UNC13C: variants seen among roughly 807,000 people sequenced by gnomAD.
UNC13C encodes unc-13 homolog C.
A neutral mutation model predicts 245.4 loss-of-function variants in UNC13C; 174 were observed. The observed-to-expected ratio is 0.71, with a 90% confidence interval of 0.63 to 0.80. The LOEUF (loss-of-function observed/expected upper bound fraction) is 0.80. UNC13C is among the 30% of genes least tolerant of loss of function. The probability of loss-of-function intolerance (pLI) is 0.00; values close to 1 mark genes in which losing one functional copy is unlikely to be tolerated. For missense variants in UNC13C, 2,829 were observed against 2,602.9 expected (o/e 1.09, Z -1.89); for synonymous variants, 992 against 895.1 (o/e 1.11, Z -1.93).
chr15:54,436,967 G>A (rs964701780), intron 19 of UNC13C, among the ~76,000 whole-genome samples: 2 of 151,858 alleles, frequency 1.3e-5, no homozygotes, highest in African/African-American at 4.8e-5. Flanking sequence ...TATTTAAGCT[G>A]CTGGTTTTCA....
At chr15:54,593,877 T>C (rs1486457589) in intron 30 of UNC13C, among the ~76,000 whole-genome samples, 4 of 152,064 alleles carry the variant, frequency 2.6e-5, no homozygotes, top group Non-Finnish European at 5.9e-5. Flanking sequence ...GTGAACTAGG[T>C]GATTTTGGGG....
At chr15:54,140,274 A>T (rs1199120808) in intron 2 of UNC13C, among the ~76,000 whole-genome samples, 1 of 152,220 alleles carries the variant, frequency 6.6e-6, no homozygotes, top group Non-Finnish European at 1.5e-5. Context: ...AAATGAAATA[A>T]TATTTTCCAT....
rs1460891017 is a variant in UNC13C at position 54,012,771 on chromosome 15, A to ATGCC, written c.-128_-125dup. The ATGCC allele has an allele frequency of 1.4e-6, 1 of 698,964 alleles. No individual in the cohort carries two copies. Among genetic ancestry groups the ATGCC allele is most frequent in the Non-Finnish European group, 2.4e-6 (1 of 413,852 alleles). 43.3% of individuals were successfully genotyped at this position (698,964 alleles called of 1,614,324 possible). On this transcript the variant is annotated 5_prime_UTR_variant, in exon 2 of 33. The change abolishes the stop of an existing upstream ORF in the 5' untranslated region. Transcript: ENST00000260323. ...AGGACAGCGACAATGTGGCAGAGCC[A>ATGCC]TGCCTGCCCTTCCTGCTCTTTCCAG...
chr15:54,631,055 C>G (rs1264419252), downstream of UNC13C: 1 of 152,002 alleles, frequency 6.6e-6, no homozygotes, highest in Non-Finnish European at 1.5e-5. Flanking sequence ...TATTTTAAAA[C>G]ATAGTTTGGC....
chr15:54,335,485 C>T (rs2038549867), intron 16 of UNC13C, among the ~76,000 whole-genome samples: 1 of 152,020 alleles, frequency 6.6e-6, no homozygotes, highest in Non-Finnish European at 1.5e-5. Context: ...AGTCATATAA[C>T]CACCAGAGCA....
chr15:54,525,354 A>G (rs80018296), intron 24 of UNC13C, among the ~76,000 whole-genome samples, 195 bp from the exon 25 acceptor site: 6,579 of 151,744 alleles, frequency 0.043, 514 homozygotes, highest in African/African-American at 0.15. Context: ...TTTTTTGTAT[A>G]TGAGAACCCC....
At chr15:54,590,214 A>G (rs1420225839) in intron 30 of UNC13C, among the ~76,000 whole-genome samples, 4 of 152,208 alleles carry the variant, frequency 2.6e-5, no homozygotes, top group African/African-American at 9.6e-5. Context: ...GTTTAAAATC[A>G]GGAAGTGGGA....
At chr15:54,565,615 G>A (rs1284145051) in intron 29 of UNC13C, among the ~76,000 whole-genome samples, 2 of 151,992 alleles carry the variant, frequency 1.3e-5, no homozygotes, top group Non-Finnish European at 2.9e-5. Context: ...TGTTACTACT[G>A]TCTCAAAGGA....
At chr15:54,515,696 A>G (rs1478554786) in intron 24 of UNC13C, among the ~76,000 whole-genome samples, 2 of 152,198 alleles carry the variant, frequency 1.3e-5, no homozygotes, top group Non-Finnish European at 2.9e-5. Flanking sequence ...ATAGTTATCC[A>G]TAAGCCCACT....
chr15:54,176,301 A>G (rs1228071593), intron 4 of UNC13C, among the ~76,000 whole-genome samples: 1 of 152,148 alleles, frequency 6.6e-6, no homozygotes, highest in Non-Finnish European at 1.5e-5. Flanking sequence ...AGTGGCTTCT[A>G]GAAGATAGGA....
the UNC13C span, among the ~76,000 whole-genome samples, chr15:53,893,382 G>C: frequency 1.3e-5 from 2 of 152,192 alleles, no homozygotes; most frequent in East Asian, 1.9e-4. Context: ...CTTGAATGCT[G>C]TGCTGGGAGG....
intron 10 of UNC13C, among the ~76,000 whole-genome samples, chr15:54,271,839 A>G (rs74013592): frequency 0.025 from 3,840 of 152,316 alleles, 159 homozygotes; most frequent in African/African-American, 0.088. Flanking sequence ...TGGGAATGGT[A>G]GTTAAGTATT....
chr15:54,507,224 A>G (rs1894514018), intron 23 of UNC13C, 30 bp downstream of exon 23: 2 of 1,429,068 alleles, frequency 1.4e-6, no homozygotes, highest in African/African-American at 2.8e-5. Context: ...ACTTTCAAGT[A>G]TCTCTCAGTT....
chr15:54,165,430 T>C (rs1309995391), intron 4 of UNC13C, among the ~76,000 whole-genome samples: 1 of 152,134 alleles, frequency 6.6e-6, no homozygotes, highest in East Asian at 1.9e-4. Flanking sequence ...ATTAAGTGGT[T>C]CCCATTGCTG....
intron 2 of UNC13C, among the ~76,000 whole-genome samples, chr15:54,036,168 C>T (rs992894799): frequency 5.9e-5 from 9 of 152,092 alleles, no homozygotes; most frequent in Admixed American, 2.0e-4. Context: ...AGAAATTAAC[C>T]GCAAGTTGTT....
rs566950284 is a variant in UNC13C, at chr15:54,060,731, G to A, written c.2983+44845G>A. Among the ~76,000 whole-genome samples, 204 of 151,534 alleles carry A rather than the reference G, an allele frequency of 1.3e-3. 1 individual carries two copies. The highest frequency in any genetic ancestry group is 3.4e-3 in the Middle Eastern group (1 of 292). On this transcript the variant is annotated intron_variant, in intron 2 of 32. Transcript: ENST00000260323. ...TTGGAACCAACCCAAATGTCCAACA[G>A]TGATAGACTGGATTAAGAAAATGTG...
chr15:54,149,062 C>T (rs1394147698), intron 4 of UNC13C, among the ~76,000 whole-genome samples: 1 of 152,114 alleles, frequency 6.6e-6, no homozygotes, highest in Non-Finnish European at 1.5e-5. Flanking sequence ...AGGGAGTTCT[C>T]ATGAGATCCG....
At chr15:54,041,446 A>G (rs1248979063) in intron 2 of UNC13C, among the ~76,000 whole-genome samples, 1 of 152,218 alleles carries the variant, frequency 6.6e-6, no homozygotes, top group East Asian at 1.9e-4. Context: ...AAGACTAAAA[A>G]TGACTGTCAA....
chr15:54,591,524 T>C (rs1898790851), intron 30 of UNC13C, among the ~76,000 whole-genome samples: 1 of 152,142 alleles, frequency 6.6e-6, no homozygotes, highest in Non-Finnish European at 1.5e-5. Flanking sequence ...AGGAGGGTTG[T>C]ATTTTGCCAG....
Sources: allele counts gnomAD v4.1 joint callset (sites outside exome capture counted in the v4.1 genomes callset), GRCh38; gene constraint gnomAD v4.1.1; transcripts MANE v1.5; gene names NCBI Gene and HGNC (gene_info 2026-07-23, HGNC 2026-07-21).